FNIP2: variants seen among roughly 807,000 people sequenced by gnomAD.
FNIP2 encodes the protein folliculin-interacting protein 2.
Under a neutral mutation model 108.7 loss-of-function variants are expected in FNIP2, and 32 were observed. That is an observed-to-expected ratio of 0.29 (90% CI 0.22 to 0.40). The LOEUF is 0.40. FNIP2 is among the 10% of genes least tolerant of loss of function. The pLI is 1.00. For synonymous variants in FNIP2, 480 were observed against 496.7 expected (o/e 0.97, Z 0.45); for missense variants, 1,202 against 1,381.6 (o/e 0.87, Z 2.06).
intron 16 of FNIP2, among the ~76,000 whole-genome samples, chr4:158,896,962 A>C (rs2126787749): frequency 6.6e-6 from 1 of 152,112 alleles, no homozygotes. Flanking sequence ...CGTCATCTAC[A>C]TTAGGTACTT....
At chr4:158,862,214 CA>C (rs1386310484) in intron 12 of FNIP2, among the ~76,000 whole-genome samples, 1 of 151,842 alleles carries the variant, frequency 6.6e-6, no homozygotes, top group African/African-American at 2.4e-5. Context: ...CAAGTTGTAA[CA>C]ATCAAAAATA....
intron 14 of FNIP2, among the ~76,000 whole-genome samples, chr4:158,885,095 G>A (rs1180485032): frequency 6.6e-6 from 1 of 152,120 alleles, no homozygotes; most frequent in East Asian, 1.9e-4. Context: ...AGCAGAGGTT[G>A]CAGTGAGCCG....
chr4:158,772,791 C>T (rs1775738502), intron 1 of FNIP2, among the ~76,000 whole-genome samples: 2 of 152,154 alleles, frequency 1.3e-5, no homozygotes, highest in East Asian at 1.9e-4. Flanking sequence ...AGGACACCCA[C>T]GGTCTCACCT....
intron 1 of FNIP2, among the ~76,000 whole-genome samples, chr4:158,787,819 G>A (rs769754560): frequency 2.8e-4 from 42 of 152,036 alleles, no homozygotes; most frequent in East Asian, 1.9e-4. Context: ...TTCGTGTGGC[G>A]GCCCTGCCTC....
chr4:158,835,927 T>G (rs942509943), intron 7 of FNIP2: 1 of 152,774 alleles, frequency 6.5e-6, no homozygotes, highest in Non-Finnish European at 1.5e-5. Context: ...TCTCCTTGCC[T>G]CAAGGCCTAA....
At chr4:158,823,308 C>T (rs929167427) in intron 1 of FNIP2, among the ~76,000 whole-genome samples, 6 of 152,140 alleles carry the variant, frequency 3.9e-5, no homozygotes, top group African/African-American at 9.7e-5. Flanking sequence ...CTCTGTCACC[C>T]AGGCTGGAGT....
In FNIP2 at chr4:158,843,190, C is replaced by T. The variant is rs567768850; in HGVS notation, c.727+7714C>T. On this transcript the variant is annotated intron_variant, in intron 7 of 16. Coordinates refer to ENST00000264433, the MANE Select transcript of FNIP2 (RefSeq NM_020840.3). ...AAAAGTGCTCAGATTCAGAGCCATACTATCACTTATGCCATCCAAAAAATT... is the reference window on the plus strand; with the variant it reads ...AAAAGTGCTCAGATTCAGAGCCATATTATCACTTATGCCATCCAAAAAATT... 9.8e-5 allele frequency among the ~76,000 whole-genome samples: 15 copies of T among 152,298 alleles called. No homozygotes were observed. In the East Asian group the frequency reaches 2.9e-3, roughly 29 times the overall value.
chr4:158,813,034 C>G (rs546263922), intron 1 of FNIP2, among the ~76,000 whole-genome samples: 6 of 152,184 alleles, frequency 3.9e-5, no homozygotes, highest in African/African-American at 1.4e-4. Flanking sequence ...AATACACATT[C>G]AAGGTCCCTT....
At chr4:158,888,745 TG>T (rs1402615727) in intron 14 of FNIP2, among the ~76,000 whole-genome samples, 2 of 150,918 alleles carry the variant, frequency 1.3e-5, no homozygotes, top group African/African-American at 4.9e-5. Context: ...AAAAATTAGG[TG>T]GGTGTGATGG....
At chr4:158,867,750 G>A (rs1284778409) in intron 12 of FNIP2, among the ~76,000 whole-genome samples, 1 of 152,184 alleles carries the variant, frequency 6.6e-6, no homozygotes, top group East Asian at 1.9e-4. Context: ...CCAAGATATA[G>A]TATTAGATCT....
At chr4:158,888,026 C>A (rs1282139274) in intron 14 of FNIP2, among the ~76,000 whole-genome samples, 1 of 152,198 alleles carries the variant, frequency 6.6e-6, no homozygotes, top group African/African-American at 2.4e-5. Context: ...TCAGGGATGG[C>A]CAGCAGTGGC....
chr4:158,806,364 A>C, intron 1 of FNIP2: 1 of 1,289,442 alleles, frequency 7.8e-7, no homozygotes, highest in Non-Finnish European at 1.0e-6. Flanking sequence ...TTTTATGCAC[A>C]AAGATTAAAA....
In FNIP2 at chr4:158,867,973, A is replaced by AT. The variant is rs1780679677; in HGVS notation, c.1466-128dup. Reference sequence around the variant, plus strand: ...ACGTGGTCCTTACTAGAGAGTAGAAATCATGAGTCTGAAGCAGGGACTCCA... The same window carrying AT: ...ACGTGGTCCTTACTAGAGAGTAGAAATTCATGAGTCTGAAGCAGGGACTCCA... On this transcript the variant is annotated intron_variant, in intron 12 of 16. Transcript: ENST00000264433. 3 of 1,308,752 alleles carry AT rather than the reference A, an allele frequency of 2.3e-6. No individual in the cohort carries two copies. The South Asian group carries it at 4.2e-5, about 18-fold the overall frequency. The allele number at this position is 1,308,752 out of a possible 1,614,324, so 81.1% of individuals were successfully genotyped here. A position where few individuals can be genotyped will look rare whatever the true frequency, so the allele number is the denominator to read the frequency against.
At position 158,869,442 on chromosome 4, in the gene FNIP2, G is replaced by A. The variant is rs374343245; in HGVS notation, c.2792+14G>A. On this transcript the variant is annotated intron_variant, in intron 13 of 16. Coordinates refer to ENST00000264433, the MANE Select transcript of FNIP2 (RefSeq NM_020840.3). ...GCCTCTGCCAAGGTAACTCCAGCAG[G>A]CTGGGAAGTAGAGGGAACTGGGTTC... 1.3e-6 allele frequency: 2 copies of A among 1,574,618 alleles called. No homozygotes were observed. Among genetic ancestry groups the A allele is most frequent in the Admixed American group, 1.8e-5 (1 of 54,714 alleles).
chr4:158,810,016 T>A (rs1022171611), intron 1 of FNIP2, among the ~76,000 whole-genome samples: 1 of 152,234 alleles, frequency 6.6e-6, no homozygotes, highest in African/African-American at 2.4e-5. Flanking sequence ...CATGATTTTA[T>A]GACCAGTCTT....
intron 3 of FNIP2, among the ~76,000 whole-genome samples, chr4:158,829,734 G>A (rs935428421): frequency 6.6e-6 from 1 of 152,024 alleles, no homozygotes; most frequent in African/African-American, 2.4e-5. Flanking sequence ...GTGTGTGTGT[G>A]TGTATAAGGA....
At chr4:158,876,447 A>G (rs1781288115) in intron 14 of FNIP2, among the ~76,000 whole-genome samples, 1 of 152,154 alleles carries the variant, frequency 6.6e-6, no homozygotes, top group Non-Finnish European at 1.5e-5. Flanking sequence ...ACTGTTTGCC[A>G]TTCTTTAAAT....
At chr4:158,882,368 C>T (rs1040538454) in intron 14 of FNIP2, among the ~76,000 whole-genome samples, 5 of 150,340 alleles carry the variant, frequency 3.3e-5, no homozygotes, top group African/African-American at 4.9e-5. Context: ...CCGCCCCGTC[C>T]GGGAGGGAGG....
intron 1 of FNIP2, among the ~76,000 whole-genome samples, chr4:158,773,576 T>G (rs1775765207): frequency 6.6e-6 from 1 of 152,200 alleles, no homozygotes; most frequent in Admixed American, 6.5e-5. Context: ...CAAACTGATT[T>G]TAAGTATTAC....
Sources: gnomAD v4.1 joint callset for allele counts (sites outside exome capture counted in the v4.1 genomes callset) on GRCh38, gnomAD v4.1.1 for gene constraint, MANE v1.5 for transcripts, NCBI Gene and HGNC (gene_info 2026-07-23, HGNC 2026-07-21) for gene names.